Variants in DBT observed in about 807,000 individuals in gnomAD.
DBT encodes the protein lipoamide acyltransferase component of branched-chain alpha-keto acid dehydrogenase complex, mitochondrial.
In DBT, 40 loss-of-function variants were observed where a neutral mutation model predicts 51.3. That is an observed-to-expected ratio of 0.78 (90% CI 0.61 to 1.02). DBT has a LOEUF of 1.02. DBT is among the 50% of genes least tolerant of loss of function. The pLI is 0.00. For synonymous variants in DBT, 181 were observed against 190.4 expected (o/e 0.95, Z 0.41); for missense variants, 510 against 580.2 (o/e 0.88, Z 1.24).
At chr1:100,222,828 G>A (rs1239730817) in intron 4 of DBT, among the ~76,000 whole-genome samples, 1 of 152,054 alleles carries the variant, frequency 6.6e-6, no homozygotes, top group African/African-American at 2.4e-5. Context: ...GGAGCATCCT[G>A]GCAACTTCAT....
intron 10 of DBT, 129 bp downstream of exon 10, chr1:100,206,101 A>G: frequency 1.5e-6 from 1 of 669,652 alleles, no homozygotes; most frequent in South Asian, 1.8e-5. Flanking sequence ...GAAATAATAG[A>G]CTTTCTAAGA....
intron 3 of DBT, among the ~76,000 whole-genome samples, chr1:100,232,915 A>C (rs567189548): frequency 6.6e-6 from 1 of 152,354 alleles, no homozygotes; most frequent in African/African-American, 2.4e-5. Context: ...TTTTAAATTA[A>C]CATGTTAATT....
rs1425521699 is a variant in DBT, at chr1:100,191,745, TGTATACACACACACACACACACACACAC to T, written c.*4482_*4509del. 28 of 44,234 alleles carry T rather than the reference TGTATACACACACACACACACACACACAC, an allele frequency of 6.3e-4. No individual in the cohort carries two copies. The highest frequency in any genetic ancestry group is 1.5e-3 in the South Asian group (1 of 688). 2.7% of individuals were successfully genotyped at this position (44,234 alleles called of 1,614,324 possible). On this transcript the variant is annotated 3_prime_UTR_variant, in exon 11 of 11. Transcript: ENST00000370132. ...GGGTGTGTGTATATATATGTGTGTG[TGTATACACACACACACACACACACACAC>T]ACACACACACACACACACACACACA...
At chr1:100,205,897 TG>T (rs753905155) in intron 10 of DBT, among the ~76,000 whole-genome samples, 64 of 151,498 alleles carry the variant, frequency 4.2e-4, no homozygotes, top group Non-Finnish European at 8.3e-4. Flanking sequence ...GGACAGAGGG[TG>T]GGGAACACCA....
rs1177998576 is a variant in DBT at position 100,193,888 on chromosome 1, A to C, written c.*2367T>G. 1.3e-5 allele frequency: 2 copies of C among 152,252 alleles called. No individual in the cohort carries two copies. Among genetic ancestry groups the C allele is most frequent in the African/African-American group, 4.8e-5 (2 of 41,454 alleles). The allele number at this position is 152,252 out of a possible 1,614,324, so 9.4% of individuals were successfully genotyped here. ...AGTGGTAGGATTACAGGCGTGAGCCACCACACCCAGCCTATGCAGCCATTT... is the reference window on the plus strand; with the variant it reads ...AGTGGTAGGATTACAGGCGTGAGCCCCCACACCCAGCCTATGCAGCCATTT... On this transcript the variant is annotated 3_prime_UTR_variant, in exon 11 of 11. Coordinates refer to ENST00000370132, the MANE Select transcript of DBT (RefSeq NM_001918.5).
At chr1:100,212,524 A>G (rs1026670366) in intron 7 of DBT, among the ~76,000 whole-genome samples, 12 of 152,028 alleles carry the variant, frequency 7.9e-5, no homozygotes, top group Non-Finnish European at 1.2e-4. Flanking sequence ...TGGGCAACAA[A>G]GTGAACCCTT....
intron 10 of DBT, among the ~76,000 whole-genome samples, chr1:100,200,478 G>T (rs1661373208): frequency 6.6e-6 from 1 of 152,214 alleles, no homozygotes; most frequent in East Asian, 1.9e-4. Context: ...TGTGGGCGCA[G>T]CTTCAGCAGA....
rs2101810408 is a variant in DBT at position 100,187,218 on chromosome 1, A to G, written c.*9037T>C. 1 of 152,372 alleles carries G rather than the reference A, an allele frequency of 6.6e-6. No individual in the cohort carries two copies. Among genetic ancestry groups the G allele is most frequent in the African/African-American group, 2.4e-5 (1 of 41,588 alleles). The allele number at this position is 152,372 out of a possible 1,614,324, so 9.4% of individuals were successfully genotyped here. On this transcript the variant is annotated 3_prime_UTR_variant, in exon 11 of 11. Coordinates refer to ENST00000370132, the MANE Select transcript of DBT (RefSeq NM_001918.5). Reference sequence around the variant, plus strand: ...GGGGGTAATTTAAACCCCAAATCGGAAGAATAGAATAAAAGACATAAAAGT... The same window carrying G: ...GGGGGTAATTTAAACCCCAAATCGGGAGAATAGAATAAAAGACATAAAAGT...
Position 100,216,134 on chromosome 1 carries a change from G to A in DBT, c.621C>T (p.Asn207=), listed in dbSNP as rs767765369. 1.9e-6 allele frequency: 3 copies of A among 1,613,932 alleles called. No individual in the cohort carries two copies. Among genetic ancestry groups the A allele is most frequent in the East Asian group, 4.5e-5 (2 of 44,854 alleles). Residue 207 remains asparagine, a synonymous_variant, in exon 6 of 11, where the codon AAC becomes AAT. Coordinates refer to ENST00000370132, the MANE Select transcript of DBT (RefSeq NM_001918.5). The stretch of plus-strand genomic sequence containing the variant: ...TAGCTCCTGTCTGCTTTTCCAAATA[G>A]TTGAGGATATCTTCTTTAAGTATTC... ...DGRILKEDIL[N]YLEKQTGAIL... is the part of the protein sequence containing the mutation.
chr1:100,187,258 AAAAC>A lies in DBT; in HGVS notation c.*8993_*8996del, dbSNP rs1269751177. On this transcript the variant is annotated 3_prime_UTR_variant, in exon 11 of 11. Transcript: ENST00000370132. The stretch of plus-strand genomic sequence containing the variant: ...GACATAAAAGTCTTTCTTCAAAAGA[AAAAC>A]AAAACAAAACAAAAAACAATACCCC... 6.6e-6 allele frequency: 1 copy of A among 151,758 alleles called. No individual in the cohort carries two copies. Among genetic ancestry groups the A allele is most frequent in the Admixed American group, 6.5e-5 (1 of 15,268 alleles). 9.4% of individuals were successfully genotyped at this position (151,758 alleles called of 1,614,324 possible). A position where few individuals can be genotyped will look rare whatever the true frequency, so the allele number is the denominator to read the frequency against.
chr1:100,196,464 A>C, intron 10 of DBT, 42 bp from the exon 11 acceptor site: 1 of 1,528,036 alleles, frequency 6.5e-7, no homozygotes, highest in Non-Finnish European at 8.8e-7. Context: ...AAAAAAGAAC[A>C]AAGAGTAAAC....
intron 10 of DBT, among the ~76,000 whole-genome samples, chr1:100,204,122 A>G (rs1190454139): frequency 6.6e-6 from 1 of 152,168 alleles, no homozygotes. Context: ...GACAAGAGAA[A>G]GAAATAAAGC....
At chr1:100,222,395 A>C (rs1327563624) in intron 4 of DBT, among the ~76,000 whole-genome samples, 1 of 152,234 alleles carries the variant, frequency 6.6e-6, no homozygotes, top group Non-Finnish European at 1.5e-5. Flanking sequence ...AAGTGTTAGA[A>C]AGTAAGTCCC....
At position 100,220,903 on chromosome 1, in the gene DBT, C is replaced by T. The variant is rs1376816836; in HGVS notation, c.434-2156G>A. Among the ~76,000 whole-genome samples the T allele has an allele frequency of 2.6e-5, 4 of 152,264 alleles. No homozygotes were observed. The South Asian group carries it at 8.3e-4, about 32-fold the overall frequency. The stretch of plus-strand genomic sequence containing the variant: ...TTTCAGAATCTCTGTATATTCTCTA[C>T]ATCTGTTAAAGTCATTGGAGAAATG... On this transcript the variant is annotated intron_variant, in intron 4 of 10. Transcript: ENST00000370132.
At chr1:100,244,148 T>C (rs1664401630) in intron 1 of DBT, among the ~76,000 whole-genome samples, 1 of 151,708 alleles carries the variant, frequency 6.6e-6, no homozygotes, top group African/African-American at 2.4e-5. Flanking sequence ...GGAAGGCTTC[T>C]TGGAGGAAGA....
intron 7 of DBT, chr1:100,213,621 T>G: frequency 6.2e-7 from 1 of 1,605,936 alleles, no homozygotes; most frequent in South Asian, 1.1e-5. Flanking sequence ...ATTTGCTGTT[T>G]TGCCTTGAGG....
At chr1:100,208,909 T>TC (rs1661959129) in intron 8 of DBT, among the ~76,000 whole-genome samples, 2 of 46,194 alleles carry the variant, frequency 4.3e-5, no homozygotes, top group South Asian at 1.3e-3. Flanking sequence ...AGACTCTGTA[T>TC]CAAAAAAAAA....
intron 10 of DBT, among the ~76,000 whole-genome samples, chr1:100,199,110 G>A (rs141746387): frequency 1.1e-3 from 167 of 152,262 alleles, no homozygotes; most frequent in African/African-American, 3.8e-3. Context: ...GGGGGAGCTT[G>A]GCCATAATTT....
At chr1:100,213,434 C>T (rs1467092955) in intron 7 of DBT, 18 of 1,573,800 alleles carry the variant, frequency 1.1e-5, no homozygotes, top group Non-Finnish European at 1.2e-5. Flanking sequence ...CCTCGTCACA[C>T]GGACACCCAC....
Sources: gnomAD v4.1 joint callset for allele counts (sites outside exome capture counted in the v4.1 genomes callset) on GRCh38, gnomAD v4.1.1 for gene constraint, MANE v1.5 for transcripts, NCBI Gene and HGNC (gene_info 2026-07-23, HGNC 2026-07-21) for gene names.